Variants in KLHL8 observed in about 807,000 individuals in gnomAD.
KLHL8 encodes the protein kelch-like protein 8.
A neutral mutation model predicts 63.5 loss-of-function variants in KLHL8; 38 were observed. The observed-to-expected ratio is 0.60, with a 90% CI of 0.46 to 0.78. KLHL8 has a LOEUF of 0.78. KLHL8 is among the 30% of genes least tolerant of loss of function. KLHL8 has a pLI of 0.00. For synonymous variants in KLHL8, 224 were observed against 254.3 expected (o/e 0.88, Z 1.13); for missense variants, 566 against 752.4 (o/e 0.75, Z 2.90).
chr4:87,186,065 G>A (rs1407553256), intron 2 of KLHL8, among the ~76,000 whole-genome samples: 1 of 151,580 alleles, frequency 6.6e-6, no homozygotes, highest in Non-Finnish European at 1.5e-5. Context: ...TTGAGACAAG[G>A]CCTTGCTCTG....
At chr4:87,188,781 G>C (rs1220756708) in intron 2 of KLHL8, among the ~76,000 whole-genome samples, 1 of 152,116 alleles carries the variant, frequency 6.6e-6, no homozygotes, top group Non-Finnish European at 1.5e-5. Context: ...AGGAATCAAA[G>C]TCTAAAGACC....
At chr4:87,186,099 C>T (rs1312345929) in intron 2 of KLHL8, among the ~76,000 whole-genome samples, 6 of 151,888 alleles carry the variant, frequency 4.0e-5, no homozygotes, top group African/African-American at 9.7e-5. Context: ...AGAGCAGCGG[C>T]GCAATCTCAG....
intron 1 of KLHL8, among the ~76,000 whole-genome samples, chr4:87,202,011 G>A (rs1021548264): frequency 6.6e-6 from 1 of 151,948 alleles, no homozygotes; most frequent in Non-Finnish European, 1.5e-5. Context: ...TGAGGCTGAG[G>A]CAGGAGAATG....
At chr4:87,226,947 T>TA (rs1560723936) in intron 1 of KLHL8, among the ~76,000 whole-genome samples, 3 of 34,958 alleles carry the variant, frequency 8.6e-5, no homozygotes, top group Non-Finnish European at 1.7e-4. Context: ...ATAATATATA[T>TA]TATATATAAG....
chr4:87,232,883 G>GT (rs536347359), intron 1 of KLHL8, among the ~76,000 whole-genome samples: 24 of 148,942 alleles, frequency 1.6e-4, no homozygotes, highest in South Asian at 4.3e-4. Context: ...TTTCTATTAG[G>GT]TTTTTTTTTC....
Position 87,163,525 on chromosome 4 carries a change from A to G in KLHL8, c.1857T>C (p.Cys619=). Residue 619 remains cysteine, a synonymous_variant, in exon 10 of 10, where the codon TGT becomes TGC. Transcript: ENST00000273963. ...TTGGTGGCCAGAACTCAAATCACATACAGTCAACCACATTATTGGATCCAT... is the reference window on the plus strand; with the variant it reads ...TTGGTGGCCAGAACTCAAATCACATGCAGTCAACCACATTATTGGATCCAT... ...VGHGSNNVVD[C]M 1 of 1,614,052 alleles carries G rather than the reference A, an allele frequency of 6.2e-7. No homozygotes were observed. Among genetic ancestry groups the G allele is most frequent in the Non-Finnish European group, 8.5e-7 (1 of 1,179,980 alleles).
chr4:87,228,840 G>A (rs975348993), intron 1 of KLHL8, among the ~76,000 whole-genome samples: 2 of 152,318 alleles, frequency 1.3e-5, no homozygotes, highest in Non-Finnish European at 1.5e-5. Context: ...ACCTTTTGTA[G>A]ATGATGTAAT....
intron 8 of KLHL8, among the ~76,000 whole-genome samples, chr4:87,169,475 C>G (rs766287269): frequency 7.9e-5 from 12 of 152,138 alleles, no homozygotes; most frequent in Non-Finnish European, 1.3e-4. Context: ...ATGTAATCCC[C>G]TTCTTTAAAT....
intron 4 of KLHL8, among the ~76,000 whole-genome samples, chr4:87,179,405 C>A (rs1560696222): frequency 6.6e-6 from 1 of 152,182 alleles, no homozygotes; most frequent in Non-Finnish European, 1.5e-5. Context: ...TGAAAAGGCT[C>A]TTTTGATAGC....
chr4:87,193,479 G>A (rs575836155), intron 2 of KLHL8, among the ~76,000 whole-genome samples: 31 of 151,978 alleles, frequency 2.0e-4, no homozygotes, highest in South Asian at 6.2e-4. Flanking sequence ...TACAGTTAAC[G>A]TTTTTTCTTT....
rs1367366393 is a variant in KLHL8, at chr4:87,160,351, T to C, written c.*3168A>G. 6.6e-6 allele frequency: 1 copy of C among 152,160 alleles called. No homozygotes were observed. The highest frequency in any genetic ancestry group is 1.5e-5 in the Non-Finnish European group (1 of 68,010). 9.4% of individuals were successfully genotyped at this position (152,160 alleles called of 1,614,324 possible). A position where few individuals can be genotyped will look rare whatever the true frequency, so the allele number is the denominator to read the frequency against. ...ATCCCAGTAATAATTTCTTTACACA[T>C]CTGATACGAGAAACCACAGAAACAT... is the stretch of plus-strand genomic sequence containing the variant. On this transcript the variant is annotated 3_prime_UTR_variant, in exon 10 of 10. Coordinates refer to ENST00000273963, the MANE Select transcript of KLHL8 (RefSeq NM_020803.5).
intron 1 of KLHL8, among the ~76,000 whole-genome samples, chr4:87,201,194 C>A (rs1731905137): frequency 6.6e-6 from 1 of 152,098 alleles, no homozygotes; most frequent in Admixed American, 6.5e-5. Context: ...ATCTGCTGGA[C>A]AACAATGTAC....
intron 1 of KLHL8, among the ~76,000 whole-genome samples, chr4:87,199,509 G>T (rs1578387412): frequency 6.6e-6 from 1 of 152,048 alleles, no homozygotes; most frequent in South Asian, 2.1e-4. Context: ...AGACAAATGG[G>T]ACATCAAACT....
At chr4:87,231,149 C>T (rs1733129414) in intron 1 of KLHL8, among the ~76,000 whole-genome samples, 1 of 152,182 alleles carries the variant, frequency 6.6e-6, no homozygotes, top group African/African-American at 2.4e-5. Flanking sequence ...ACAGCGGCCT[C>T]ACCTGCCCGG....
chr4:87,230,052 C>T (rs1451851337), intron 1 of KLHL8, among the ~76,000 whole-genome samples: 29 of 152,158 alleles, frequency 1.9e-4, no homozygotes, highest in African/African-American at 6.8e-4. Flanking sequence ...TCATGGCACA[C>T]TTCAGCAATT....
In KLHL8 at chr4:87,220,561, G is replaced by C. The variant is rs7666055; in HGVS notation, c.-295C>G. ...CGCGCGCTCTCCTGCGCGGCCCCGCGGAGCCCCGGCGGGCGCTTGGCGTCC... is the reference window on the plus strand; with the variant it reads ...CGCGCGCTCTCCTGCGCGGCCCCGCCGAGCCCCGGCGGGCGCTTGGCGTCC... On this transcript the variant is annotated 5_prime_UTR_variant, in exon 1 of 10. Coordinates refer to ENST00000273963, the MANE Select transcript of KLHL8 (RefSeq NM_020803.5). 1.3e-5 allele frequency: 2 copies of C among 151,934 alleles called. No homozygotes were observed. Among genetic ancestry groups the C allele is most frequent in the South Asian group, 2.1e-4 (1 of 4,820 alleles). 9.4% of individuals were successfully genotyped at this position (151,934 alleles called of 1,614,324 possible).
intron 5 of KLHL8, among the ~76,000 whole-genome samples, chr4:87,177,463 C>T (rs754953413): frequency 4.5e-4 from 69 of 151,994 alleles, no homozygotes; most frequent in Non-Finnish European, 8.4e-4. Context: ...GAGGTCGCAC[C>T]ACTGCCTTCT....
chr4:87,200,219 G>A (rs1007969286), intron 1 of KLHL8, among the ~76,000 whole-genome samples: 2 of 151,112 alleles, frequency 1.3e-5, no homozygotes, highest in Admixed American at 6.6e-5. Flanking sequence ...TATATAAATG[G>A]CCAAGAAGTA....
intron 1 of KLHL8, among the ~76,000 whole-genome samples, chr4:87,209,288 A>C (rs928296480): frequency 1.3e-5 from 2 of 152,190 alleles, no homozygotes; most frequent in African/African-American, 4.8e-5. Flanking sequence ...AACAACAGAG[A>C]GGAAAAAAAT....
Sources: gnomAD v4.1 joint callset for allele counts (sites outside exome capture counted in the v4.1 genomes callset) on GRCh38, gnomAD v4.1.1 for gene constraint, MANE v1.5 for transcripts, NCBI Gene and HGNC (gene_info 2026-07-23, HGNC 2026-07-21) for gene names.